The following NCOA1 variants were observed in gnomAD, a reference collection of about 807,000 sequenced individuals.
NCOA1 encodes the protein Hin-2 protein.
A neutral mutation model predicts 150.9 loss-of-function variants in NCOA1; 35 were observed. The observed-to-expected ratio is 0.23, with a 90% confidence interval of 0.18 to 0.31. The LOEUF is 0.31. NCOA1 is among the 10% of genes least tolerant of loss of function. NCOA1 has a pLI of 1.00. For missense variants in NCOA1, 1,491 were observed against 1,749.3 expected (o/e 0.85, Z 2.63); for synonymous variants, 590 against 630.0 (o/e 0.94, Z 0.95).
chr2:24,626,951 C>T (rs1188108624), intron 3 of NCOA1, among the ~76,000 whole-genome samples: 1 of 152,020 alleles, frequency 6.6e-6, no homozygotes, highest in Non-Finnish European at 1.5e-5. Flanking sequence ...TGGTACAATG[C>T]CTATCACATA....
chr2:24,572,363 T>G (rs1666774683), intron 2 of NCOA1, among the ~76,000 whole-genome samples: 1 of 152,156 alleles, frequency 6.6e-6, no homozygotes, highest in South Asian at 2.1e-4. Flanking sequence ...AAAAGAATAC[T>G]TGTTTATTGG....
intron 5 of NCOA1, among the ~76,000 whole-genome samples, chr2:24,665,066 A>G (rs930467368): frequency 2.0e-4 from 31 of 152,202 alleles, no homozygotes; most frequent in African/African-American, 7.0e-4. Flanking sequence ...ACCTGTATGC[A>G]CCTTGTTCTC....
Position 24,705,360 on chromosome 2 carries a change from A to T in NCOA1, c.1097+127A>T, listed in dbSNP as rs1157646659. On this transcript the variant is annotated intron_variant, in intron 12 of 22. Transcript: ENST00000348332. ...AATTAGGCGTAAAACTAGTGTGATGAGTATATATAATCAATATATCCATAT... is the reference window on the plus strand; with the variant it reads ...AATTAGGCGTAAAACTAGTGTGATGTGTATATATAATCAATATATCCATAT... 3.5e-6 allele frequency: 3 copies of T among 859,070 alleles called. No individual in the cohort carries two copies. The East Asian group carries it at 7.6e-5, about 22-fold the overall frequency. 53.2% of individuals were successfully genotyped at this position (859,070 alleles called of 1,614,324 possible).
intron 19 of NCOA1, among the ~76,000 whole-genome samples, chr2:24,748,699 CTTTT>C (rs1664067736): frequency 1.3e-5 from 2 of 151,054 alleles, no homozygotes; most frequent in Non-Finnish European, 2.9e-5. Flanking sequence ...ATGATTTTCT[CTTTT>C]TATTTAACCA....
rs1157879674 is a variant in NCOA1 at position 24,671,982 on chromosome 2, A to G, written c.257-1384A>G. 6.6e-5 allele frequency among the ~76,000 whole-genome samples: 10 copies of G among 152,280 alleles called. No individual in the cohort carries two copies. In the East Asian group the frequency reaches 1.9e-3, roughly 29 times the overall value. ...AATAATGATGAAAAAATCTATATGT[A>G]TTCAGCACAGACACAATTCATTTTC... On this transcript the variant is annotated intron_variant, in intron 6 of 22. Coordinates refer to ENST00000348332, the MANE Select transcript of NCOA1 (RefSeq NM_003743.5).
At chr2:24,742,895 A>T (rs948481930) in intron 19 of NCOA1, among the ~76,000 whole-genome samples, 11 of 152,178 alleles carry the variant, frequency 7.2e-5, no homozygotes, top group African/African-American at 2.7e-4. Context: ...AGTATCTCAG[A>T]CTACTCATTG....
intron 1 of NCOA1, among the ~76,000 whole-genome samples, chr2:24,551,759 T>C (rs1258435139): frequency 6.6e-6 from 1 of 152,222 alleles, no homozygotes; most frequent in Non-Finnish European, 1.5e-5. Context: ...TATGTTTTCC[T>C]AAGTTGTATA....
intron 11 of NCOA1, among the ~76,000 whole-genome samples, chr2:24,700,758 C>A (rs1428491272): frequency 2.0e-5 from 3 of 152,116 alleles, no homozygotes; most frequent in Non-Finnish European, 4.4e-5. Context: ...TTCCCAAGGT[C>A]CCTGATAAGA....
intron 11 of NCOA1, among the ~76,000 whole-genome samples, chr2:24,699,736 T>G (rs543916890): frequency 7.2e-5 from 11 of 152,142 alleles, no homozygotes; most frequent in East Asian, 3.8e-4. Context: ...TAGCCAGATA[T>G]GAGAAATGTG....
At position 24,711,066 on chromosome 2, in the gene NCOA1, G is replaced by C. The variant is rs1183317858; in HGVS notation, c.2554G>C (p.Ala852Pro). 6.2e-7 allele frequency: 1 copy of C among 1,614,012 alleles called. No homozygotes were observed. The highest frequency in any genetic ancestry group is 8.5e-7 in the Non-Finnish European group (1 of 1,180,004). Residue 852 changes from alanine to proline, a missense_variant, in exon 14 of 23, where the codon GCT becomes CCT. Transcript: ENST00000348332. Reference protein sequence around the residue: ...SVTIKSEILPASLQSATARPT... With the variant: ...SVTIKSEILPPSLQSATARPT... ...AACCATCAAATCGGAGATCCTGCCA[G>C]CTTCACTTCAGTCCGCCACTGCCAG...
chr2:24,614,231 T>TTTTTTTTTTTTTG (rs1668771754), intron 3 of NCOA1, among the ~76,000 whole-genome samples: 1 of 122,786 alleles, frequency 8.1e-6, no homozygotes, highest in African/African-American at 3.1e-5. Flanking sequence ...TTTTTTTTTT[T>TTTTTTTTTTTTTG]GCTATGGGGT....
chr2:24,604,314 C>T (rs1222054705), intron 3 of NCOA1, among the ~76,000 whole-genome samples: 1 of 152,106 alleles, frequency 6.6e-6, no homozygotes, highest in African/African-American at 2.4e-5. Flanking sequence ...TGCATTAGCC[C>T]CTAATAAGAG....
At chr2:24,728,038 T>C (rs994374236) in intron 15 of NCOA1, among the ~76,000 whole-genome samples, 1 of 152,226 alleles carries the variant, frequency 6.6e-6, no homozygotes, top group Admixed American at 6.5e-5. Context: ...CTTAACTGTT[T>C]GGTTAATTTT....
intron 1 of NCOA1, among the ~76,000 whole-genome samples, chr2:24,524,523 G>A (rs984998355): frequency 2.0e-5 from 3 of 151,720 alleles, no homozygotes; most frequent in Admixed American, 6.6e-5. Context: ...TTGAACTCCC[G>A]GGCTTAAGTG....
intron 19 of NCOA1, among the ~76,000 whole-genome samples, chr2:24,751,252 C>A (rs1021484000): frequency 3.3e-5 from 5 of 150,642 alleles, no homozygotes; most frequent in African/African-American, 1.2e-4. Context: ...AGGCGTGAGC[C>A]ACAGCACCCG....
intron 14 of NCOA1, among the ~76,000 whole-genome samples, chr2:24,719,044 A>C (rs892748577): frequency 6.6e-6 from 1 of 150,810 alleles, no homozygotes; most frequent in Non-Finnish European, 1.5e-5. Context: ...AAAAAAAAAA[A>C]AAAAAAAAAA....
intron 1 of NCOA1, among the ~76,000 whole-genome samples, chr2:24,500,561 A>G (rs1047686096): frequency 6.6e-6 from 1 of 152,218 alleles, no homozygotes; most frequent in African/African-American, 2.4e-5. Context: ...TAGTAGACTC[A>G]ACACTATTTT....
At chr2:24,710,832 C>A in intron 13 of NCOA1, 99 bp from the exon 14 acceptor site, 1 of 1,132,926 alleles carries the variant, frequency 8.8e-7, no homozygotes, top group Non-Finnish European at 1.3e-6. Context: ...CTCAAAGTCA[C>A]ACTGAATTCA....
intron 6 of NCOA1, among the ~76,000 whole-genome samples, chr2:24,666,151 A>G (rs955898554): frequency 2.6e-5 from 4 of 151,514 alleles, no homozygotes; most frequent in African/African-American, 4.8e-5. Flanking sequence ...AGCTGGGACT[A>G]CAGGCGCCTG....
Sources: allele counts gnomAD v4.1 joint callset (sites outside exome capture counted in the v4.1 genomes callset), GRCh38; gene constraint gnomAD v4.1.1; transcripts MANE v1.5; gene names NCBI Gene and HGNC (gene_info 2026-07-23, HGNC 2026-07-21).